The following DCAKD variants were observed in gnomAD, a reference collection of about 807,000 sequenced individuals.
DCAKD encodes the protein dephospho-CoA kinase domain containing, also known as dephospho-CoA kinase domain-containing protein.
In DCAKD, 15 loss-of-function variants were observed where a neutral mutation model predicts 18.7. The ratio of observed to expected loss-of-function variants is 0.80; its 90% CI spans 0.54 to 1.24. The LOEUF is 1.24. Among genes scored for constraint, DCAKD ranks in the 50% most tolerant of loss-of-function variants. The probability of loss-of-function intolerance (pLI) is 0.00; values close to 1 mark genes in which losing one functional copy is unlikely to be tolerated. For synonymous variants in DCAKD, 130 were observed against 133.0 expected, an observed-to-expected ratio of 0.98 and a Z score of 0.16; for missense variants, 301 against 322.0, an observed-to-expected ratio of 0.93 and a Z score of 0.50.
upstream of DCAKD, among the ~76,000 whole-genome samples, chr17:45,052,940 G>A (rs1440935452): frequency 6.6e-6 from 1 of 151,974 alleles, no homozygotes; most frequent in East Asian, 1.9e-4. Context: ...AAGGCGGGTG[G>A]ATCACCTGAG....
intron 1 of DCAKD, among the ~76,000 whole-genome samples, chr17:45,057,306 G>C (rs2053792137): frequency 6.6e-6 from 1 of 151,942 alleles, no homozygotes; most frequent in Non-Finnish European, 1.5e-5. Context: ...GCCTCCCAAA[G>C]TGTTGGGATT....
Position 45,024,357 on chromosome 17 carries a change from A to C in DCAKD, c.*76T>G. 1 of 1,402,528 alleles carries C rather than the reference A, an allele frequency of 7.1e-7. No individual in the cohort carries two copies. The highest frequency in any genetic ancestry group is 1.3e-5 in the South Asian group (1 of 74,172). The allele number at this position is 1,402,528 out of a possible 1,614,324, so 86.9% of individuals were successfully genotyped here. On this transcript the variant is annotated 3_prime_UTR_variant, in exon 5 of 5. Transcript: ENST00000651974. ...TGTGTGTGGGGAGGGGGCTGAGAGG[A>C]AACAGGATGTGTTACCTGGCTTCAG... is the stretch of plus-strand genomic sequence containing the variant.
Position 45,025,819 on chromosome 17 carries a change from T to G in DCAKD, c.405-1095A>C, listed in dbSNP as rs538411981. Among the ~76,000 whole-genome samples the G allele has an allele frequency of 2.8e-4, 43 of 150,878 alleles. 2 individuals carry two copies. Among genetic ancestry groups the G allele is most frequent in the South Asian group, 2.3e-3 (11 of 4,728 alleles). ...CAGGCTGGAGTGCAGTGGCGTGATC[T>G]TGGCTCACTGCAACCTCTATCCTCC... On this transcript the variant is annotated intron_variant, in intron 4 of 4. Transcript: ENST00000651974.
chr17:45,026,209 G>A (rs765924344), intron 4 of DCAKD, among the ~76,000 whole-genome samples: 6 of 149,148 alleles, frequency 4.0e-5, no homozygotes, highest in Non-Finnish European at 8.9e-5. Context: ...ATAAGCCACC[G>A]CGCCTGGACT....
chr17:45,044,237 G>A (rs1402572184), intron 1 of DCAKD, among the ~76,000 whole-genome samples: 1 of 152,024 alleles, frequency 6.6e-6, no homozygotes, highest in Non-Finnish European at 1.5e-5. Context: ...ACTGCCCTCA[G>A]GCCTGTGCCC....
At chr17:45,053,727 C>T (rs1246923482), upstream of DCAKD, among the ~76,000 whole-genome samples, 3 of 151,668 alleles carry the variant, frequency 2.0e-5, no homozygotes, top group East Asian at 5.8e-4. Context: ...GCACATCTGG[C>T]TAATTTTTGT....
At chr17:45,045,544 CA>C (rs1202996371) in intron 1 of DCAKD, among the ~76,000 whole-genome samples, 3 of 151,994 alleles carry the variant, frequency 2.0e-5, no homozygotes, top group African/African-American at 7.2e-5. Flanking sequence ...CCATCCTGGC[CA>C]ATATGGTGAA....
intron 4 of DCAKD, among the ~76,000 whole-genome samples, chr17:45,029,816 G>A (rs762657854): frequency 5.3e-5 from 8 of 152,152 alleles, no homozygotes; most frequent in Non-Finnish European, 1.2e-4. Context: ...GGCCCAGGGC[G>A]AGGCCAGGCA....
At chr17:45,026,660 A>G (rs1010011855) in intron 4 of DCAKD, 2 of 985,314 alleles carry the variant, frequency 2.0e-6, no homozygotes, top group Admixed American at 1.2e-4. Flanking sequence ...AGACCAAGTG[A>G]GGCCAAAAAC....
At chr17:45,026,770 C>T (rs1023501754) in intron 4 of DCAKD, 53 of 985,282 alleles carry the variant, frequency 5.4e-5, no homozygotes, top group Admixed American at 1.2e-4. Context: ...ATACCCACCT[C>T]GCTGAGAACA....
chr17:45,047,505 T>TC (rs1491541734), intron 1 of DCAKD, among the ~76,000 whole-genome samples: 5 of 79,510 alleles, frequency 6.3e-5, no homozygotes, highest in South Asian at 3.9e-4. Flanking sequence ...GGCTAGTCTC[T>TC]TTTTTTTTTT....
At chr17:45,050,608 T>C (rs1033883232) in intron 1 of DCAKD, among the ~76,000 whole-genome samples, 2 of 152,106 alleles carry the variant, frequency 1.3e-5, no homozygotes, top group African/African-American at 4.8e-5. Flanking sequence ...TTTCACCCCT[T>C]TCCCCAGGCC....
intron 1 of DCAKD, among the ~76,000 whole-genome samples, chr17:45,046,753 T>A (rs2053580395): frequency 6.6e-6 from 1 of 151,506 alleles, no homozygotes; most frequent in Non-Finnish European, 1.5e-5. Context: ...TTCAGCGTCA[T>A]AAATTTCCAA....
intron 1 of DCAKD, among the ~76,000 whole-genome samples, chr17:45,049,958 G>A (rs1436158414): frequency 1.3e-5 from 2 of 151,914 alleles, no homozygotes; most frequent in Non-Finnish European, 2.9e-5. Flanking sequence ...CTGACCTCAG[G>A]TGATCTGCCT....
chr17:45,030,331 T>C (rs1408919117), intron 3 of DCAKD, 152 bp from the exon 4 acceptor site: 2 of 679,160 alleles, frequency 2.9e-6, no homozygotes, highest in East Asian at 5.3e-5. Flanking sequence ...TCCAATGCCG[T>C]GCAGAACAGA....
At chr17:45,029,176 G>A (rs375062210) in intron 4 of DCAKD, among the ~76,000 whole-genome samples, 336 of 152,320 alleles carry the variant, frequency 2.2e-3, no homozygotes, top group African/African-American at 7.5e-3. Flanking sequence ...AAGGCAGCAC[G>A]GCCCAGTGCA....
intron 4 of DCAKD, among the ~76,000 whole-genome samples, chr17:45,027,812 CCT>C (rs1296947741): frequency 3.3e-5 from 5 of 152,098 alleles, no homozygotes; most frequent in East Asian, 1.9e-4. Context: ...ATGGTGAAAC[CCT>C]GTCTCTACTA....
intron 1 of DCAKD, among the ~76,000 whole-genome samples, chr17:45,056,942 T>C (rs1002423137): frequency 6.6e-6 from 1 of 151,942 alleles, no homozygotes; most frequent in African/African-American, 2.4e-5. Flanking sequence ...TAATTTTTTG[T>C]ATTTTCAGTA....
chr17:45,060,117 A>G (rs1007899115), intron 1 of DCAKD, among the ~76,000 whole-genome samples: 13 of 151,768 alleles, frequency 8.6e-5, no homozygotes, highest in Non-Finnish European at 2.9e-5. Context: ...ACAAAACAAA[A>G]CAAAACAAAG....
Sources: allele counts gnomAD v4.1 joint callset (sites outside exome capture counted in the v4.1 genomes callset), GRCh38; gene constraint gnomAD v4.1.1; transcripts MANE v1.5; gene names NCBI Gene and HGNC (gene_info 2026-07-23, HGNC 2026-07-21).